Variants in TMOD2 observed in about 807,000 individuals in gnomAD.
TMOD2 encodes the protein tropomodulin 2.
TMOD2 carries 22 observed loss-of-function variants against 39.9 expected under a neutral mutation model. The observed-to-expected ratio is 0.55, with a 90% CI of 0.39 to 0.79. The LOEUF (loss-of-function observed/expected upper bound fraction) is 0.79. Among genes scored for constraint, TMOD2 ranks in the 30% least tolerant of loss-of-function variants. The pLI is 0.00. For missense variants in TMOD2, 386 were observed against 413.3 expected (o/e 0.93, Z 0.57); for synonymous variants, 123 against 146.1 (o/e 0.84, Z 1.14).
At chr15:51,801,257 A>T (rs2056086947) in intron 8 of TMOD2, among the ~76,000 whole-genome samples, 2 of 139,216 alleles carry the variant, frequency 1.4e-5, no homozygotes, top group Admixed American at 7.6e-5. Flanking sequence ...ACACACACAC[A>T]CACACACACA....
chr15:51,759,846 G>T (rs2055768466), intron 1 of TMOD2, among the ~76,000 whole-genome samples: 1 of 152,186 alleles, frequency 6.6e-6, no homozygotes, highest in Non-Finnish European at 1.5e-5. Context: ...CAGAACTCTG[G>T]CACCAGCTGC....
In TMOD2 at chr15:51,793,878, A is replaced by AAT. The variant is rs1447335712; in HGVS notation, c.733-4319_733-4318insAT. On this transcript the variant is annotated intron_variant, in intron 7 of 9. Coordinates refer to ENST00000249700, the MANE Select transcript of TMOD2 (RefSeq NM_014548.4). The stretch of plus-strand genomic sequence containing the variant: ...TGTAGAGTCCAAAAGGAAAGTCCTG[A>AAT]TGCATCCCTCTCTGATGATCAGATT... Among the ~76,000 whole-genome samples, 65 of 152,360 alleles carry AAT rather than the reference A, an allele frequency of 4.3e-4. No individual in the cohort carries two copies. In the East Asian group the frequency reaches 0.012, roughly 29 times the overall value.
At chr15:51,779,573 C>T (rs144109116) in intron 5 of TMOD2, among the ~76,000 whole-genome samples, 2,180 of 152,066 alleles carry the variant, frequency 0.014, 85 homozygotes, top group Admixed American at 0.072. Context: ...TTAGTAGAGA[C>T]GGGATTTCAT....
chr15:51,798,407 A>G, intron 8 of TMOD2, 67 bp downstream of exon 8: 1 of 1,557,682 alleles, frequency 6.4e-7, no homozygotes, highest in South Asian at 1.2e-5. Flanking sequence ...GAAATGCCAC[A>G]AGGAATGAGT....
intron 8 of TMOD2, among the ~76,000 whole-genome samples, chr15:51,801,853 A>G (rs891418726): frequency 2.6e-5 from 4 of 152,164 alleles, no homozygotes; most frequent in Non-Finnish European, 5.9e-5. Context: ...GCTACTTAGG[A>G]GGCTGAGGCA....
chr15:51,753,707 G>A (rs887277891), intron 1 of TMOD2, among the ~76,000 whole-genome samples: 5 of 151,520 alleles, frequency 3.3e-5, no homozygotes, highest in African/African-American at 1.2e-4. Context: ...CTTTGGAGAT[G>A]TGGATATTGG....
At chr15:51,772,877 A>C (rs1295372153) in intron 3 of TMOD2, among the ~76,000 whole-genome samples, 1 of 152,164 alleles carries the variant, frequency 6.6e-6, no homozygotes, top group Non-Finnish European at 1.5e-5. Flanking sequence ...CCTGCTCCTA[A>C]TATTTGCAGG....
At chr15:51,772,557 G>C (rs1353728300) in intron 3 of TMOD2, among the ~76,000 whole-genome samples, 1 of 152,138 alleles carries the variant, frequency 6.6e-6, no homozygotes, top group African/African-American at 2.4e-5. Context: ...AAGTGAGCAG[G>C]GGACAAAATA....
intron 1 of TMOD2, among the ~76,000 whole-genome samples, chr15:51,764,597 A>T (rs1234742016): frequency 1.3e-5 from 2 of 152,150 alleles, no homozygotes; most frequent in Non-Finnish European, 2.9e-5. Context: ...TTCCCAACAG[A>T]ATAAAGTTCA....
chr15:51,795,610 C>CTTTCTTTCTTTCTTTCTTTCTTTCTTTCT, intron 7 of TMOD2, among the ~76,000 whole-genome samples: 1 of 122,774 alleles, frequency 8.1e-6, no homozygotes, highest in African/African-American at 3.0e-5. Context: ...TTCTTTCTTT[C>CTTTCTTTCTTTCTTTCTTTCTTTCTTTCT]TTTCTTTCTT....
At chr15:51,781,299 G>C in intron 6 of TMOD2, 125 bp downstream of exon 6, 1 of 812,204 alleles carries the variant, frequency 1.2e-6, no homozygotes. Flanking sequence ...TTGGAGTCAA[G>C]GTATCCTATT....
chr15:51,781,037 G>A lies in TMOD2; in HGVS notation c.494-7G>A. ...TGCATTTTTTAAAATGAAAACTTGT[G>A]TTTTAGATGTTGTCAAAGGTGAAAA... is the stretch of plus-strand genomic sequence containing the variant. On this transcript the variant is annotated splice_region_variant and splice_polypyrimidine_tract_variant and intron_variant, in intron 5 of 9. Transcript: ENST00000249700. 1 of 1,585,594 alleles carries A rather than the reference G, an allele frequency of 6.3e-7. No homozygotes were observed.
At chr15:51,804,248 A>G (rs1048187551) in intron 8 of TMOD2, among the ~76,000 whole-genome samples, 1 of 152,240 alleles carries the variant, frequency 6.6e-6, no homozygotes, top group African/African-American at 2.4e-5. Flanking sequence ...CATCACTGCA[A>G]TGGGATTTGG....
intron 8 of TMOD2, among the ~76,000 whole-genome samples, chr15:51,801,791 C>T (rs140685029): frequency 2.0e-4 from 31 of 152,194 alleles, no homozygotes; most frequent in African/African-American, 7.5e-4. Context: ...TATTTTTCCC[C>T]CTTTGTGTTT....
In TMOD2 at chr15:51,773,777, C is replaced by G. The variant is rs745811629; in HGVS notation, c.349C>G (p.Pro117Ala). 47 of 1,613,586 alleles carry G rather than the reference C, an allele frequency of 2.9e-5. No individual in the cohort carries two copies. The highest frequency in any genetic ancestry group is 3.9e-5 in the Non-Finnish European group (46 of 1,179,790). The change falls in exon 4 of 10, where the codon CCA becomes GCA. Residue 117 changes from proline (P) to alanine (A), a missense_variant. Physicochemically the swap from Pro to Ala is conservative, Grantham distance 27. Transcript: ENST00000249700. ...TAAAGAAGAAAAAGTGACCCTTGACCCAGAACTGGAAGAAGCTTTGGCCAG... is the reference window on the plus strand; with the variant it reads ...TAAAGAAGAAAAAGTGACCCTTGACGCAGAACTGGAAGAAGCTTTGGCCAG... ...TRKEEKVTLD[P>A]ELEEALASAS...
chr15:51,811,147 A>G lies in TMOD2; in HGVS notation c.*2693A>G, dbSNP rs558216065. The G allele has an allele frequency of 6.6e-6, 1 of 152,270 alleles. No individual in the cohort carries two copies. Among genetic ancestry groups the G allele is most frequent in the African/African-American group, 2.4e-5 (1 of 41,550 alleles). 9.4% of individuals were successfully genotyped at this position (152,270 alleles called of 1,614,324 possible). On this transcript the variant is annotated 3_prime_UTR_variant, in exon 10 of 10. Transcript: ENST00000249700. The stretch of plus-strand genomic sequence containing the variant: ...ACATATTGATGATAACCCTTAGAAA[A>G]ACATACACTTGAGGAGCCTATCCAT...
chr15:51,792,317 C>G lies in TMOD2; in HGVS notation c.733-5880C>G, dbSNP rs146564617. Among the ~76,000 whole-genome samples, 1,444 of 152,224 alleles carry G rather than the reference C, an allele frequency of 9.5e-3. 22 individuals carry two copies. Among genetic ancestry groups the G allele is most frequent in the African/African-American group, 0.034 (1,392 of 41,538 alleles). On this transcript the variant is annotated intron_variant, in intron 7 of 9. Transcript: ENST00000249700. Reference sequence around the variant, plus strand: ...GCAAATCAAAACCACAATGAGATACCATCTCATGCCGGTTAGAATGGCAAT... The same window carrying G: ...GCAAATCAAAACCACAATGAGATACGATCTCATGCCGGTTAGAATGGCAAT...
intron 2 of TMOD2, among the ~76,000 whole-genome samples, chr15:51,767,774 G>C (rs1359928925): frequency 6.6e-6 from 1 of 152,140 alleles, no homozygotes; most frequent in Non-Finnish European, 1.5e-5. Context: ...CAGATATTCT[G>C]TTGTTGTTTT....
intron 7 of TMOD2, among the ~76,000 whole-genome samples, chr15:51,786,247 G>A (rs932981685): frequency 1.3e-5 from 2 of 152,034 alleles, no homozygotes; most frequent in African/African-American, 4.8e-5. Context: ...CAGAACCAAG[G>A]GAAAGAAGTG....
Sources: gnomAD v4.1 joint callset for allele counts (sites outside exome capture counted in the v4.1 genomes callset) on GRCh38, gnomAD v4.1.1 for gene constraint, MANE v1.5 for transcripts, NCBI Gene and HGNC (gene_info 2026-07-23, HGNC 2026-07-21) for gene names.